LINGO2: variants seen among roughly 807,000 people sequenced by gnomAD.
The protein encoded by LINGO2 is leucine rich repeat and Ig domain containing 2, also known as leucine-rich repeat and immunoglobulin-like domain-containing nogo receptor-interacting protein 2.
LINGO2 carries 14 observed loss-of-function variants against 30.6 expected under a neutral mutation model. The observed-to-expected ratio is 0.46, with a 90% confidence interval of 0.30 to 0.72. The LOEUF is 0.72. Ranked by LOEUF, LINGO2 falls within the 30% of genes least tolerant of loss-of-function variation. The pLI, the probability that LINGO2 is intolerant of heterozygous loss-of-function variation, is 0.07. For missense variants in LINGO2, 729 were observed against 751.7 expected, an observed-to-expected ratio of 0.97 and a Z score of 0.35; for synonymous variants, 317 against 288.5, an observed-to-expected ratio of 1.10 and a Z score of -1.00.
chr9:28,087,722 C>T (rs1825954442), intron 4 of LINGO2, among the ~76,000 whole-genome samples: 1 of 152,002 alleles, frequency 6.6e-6, no homozygotes, highest in Non-Finnish European at 1.5e-5. Context: ...GCCAAGTACA[C>T]CAGTGGCCCT....
the LINGO2 span, among the ~76,000 whole-genome samples, chr9:28,883,628 G>GTGTATATA: frequency 5.1e-4 from 33 of 64,156 alleles, no homozygotes; most frequent in South Asian, 3.8e-3. Context: ...ATGTGTGTGT[G>GTGTATATA]TATATATATA....
intron 3 of LINGO2, among the ~76,000 whole-genome samples, chr9:28,317,236 A>G (rs1824877729): frequency 6.7e-6 from 1 of 148,658 alleles, no homozygotes; most frequent in Non-Finnish European, 1.5e-5. Flanking sequence ...AGTTCCATAT[A>G]TATTTGTGAG....
chr9:28,097,576 A>G (rs1226272633), intron 4 of LINGO2, among the ~76,000 whole-genome samples: 252 of 142,478 alleles, frequency 1.8e-3, no homozygotes, highest in African/African-American at 6.1e-3. Context: ...TCAGTAAACT[A>G]TCGCAAGAAC....
At chr9:28,165,997 T>C (rs1368193329) in intron 4 of LINGO2, among the ~76,000 whole-genome samples, 1 of 152,198 alleles carries the variant, frequency 6.6e-6, no homozygotes, top group East Asian at 1.9e-4. Context: ...TAATATACCC[T>C]CTACTGTGTA....
At chr9:28,015,040 T>C (rs370088987) in intron 4 of LINGO2, among the ~76,000 whole-genome samples, 5 of 152,170 alleles carry the variant, frequency 3.3e-5, no homozygotes, top group Non-Finnish European at 4.4e-5. Flanking sequence ...GGTAGAGTTA[T>C]ATATCACATA....
intron 4 of LINGO2, among the ~76,000 whole-genome samples, chr9:28,023,287 A>G (rs151244402): frequency 0.013 from 1,962 of 152,310 alleles, 37 homozygotes; most frequent in African/African-American, 0.045. Flanking sequence ...ACCTTAACCC[A>G]TAAAAGTTTA....
At chr9:29,056,509 C>G in the LINGO2 span, among the ~76,000 whole-genome samples, 4 of 152,198 alleles carry the variant, frequency 2.6e-5, no homozygotes, top group East Asian at 7.7e-4. Flanking sequence ...ATCAGATGCA[C>G]AGTTTGTGAA....
chr9:28,037,580 A>C (rs1405159705), intron 4 of LINGO2, among the ~76,000 whole-genome samples: 4 of 149,870 alleles, frequency 2.7e-5, no homozygotes, highest in African/African-American at 1.0e-4. Flanking sequence ...ACTGCATTTT[A>C]ATTTGTTTGT....
At chr9:28,855,670 C>T in the LINGO2 span, among the ~76,000 whole-genome samples, 2 of 151,880 alleles carry the variant, frequency 1.3e-5, no homozygotes, top group African/African-American at 4.8e-5. Context: ...CACACACATA[C>T]ACACACACAA....
At chr9:28,186,040 G>T (rs992971806) in intron 4 of LINGO2, among the ~76,000 whole-genome samples, 1 of 152,100 alleles carries the variant, frequency 6.6e-6, no homozygotes, top group African/African-American at 2.4e-5. Flanking sequence ...CATGTCCTCA[G>T]CCAACCGTCT....
At chr9:29,007,936 T>C in the LINGO2 span, among the ~76,000 whole-genome samples, 1 of 152,154 alleles carries the variant, frequency 6.6e-6, no homozygotes, top group Non-Finnish European at 1.5e-5. Flanking sequence ...TATTTCTTTT[T>C]TAAATTATAC....
intron 1 of LINGO2, among the ~76,000 whole-genome samples, chr9:28,644,688 T>A (rs1827756478): frequency 1.3e-5 from 2 of 151,976 alleles, no homozygotes; most frequent in African/African-American, 4.8e-5. Flanking sequence ...TAAAAGGGTA[T>A]AATTGGACTG....
chr9:27,949,891 G>A (rs1379903885), exon 6 of LINGO2: 1 of 1,614,084 alleles, frequency 6.2e-7, no homozygotes, highest in Non-Finnish European at 8.5e-7. Flanking sequence ...ACAGTAGACA[G>A]ATTGGTGTTG....
At chr9:28,307,984 T>A (rs1382980582) in intron 3 of LINGO2, among the ~76,000 whole-genome samples, 1 of 151,554 alleles carries the variant, frequency 6.6e-6, no homozygotes, top group African/African-American at 2.4e-5. Flanking sequence ...AGAATCAATA[T>A]CGTGAAAATG....
chr9:28,109,366 T>G (rs536081909), intron 4 of LINGO2, among the ~76,000 whole-genome samples: 119 of 152,298 alleles, frequency 7.8e-4, no homozygotes, highest in African/African-American at 2.8e-3. Flanking sequence ...ACCACTCCTG[T>G]TCAACATAGT....
At chr9:28,180,796 C>G (rs75254574) in intron 4 of LINGO2, among the ~76,000 whole-genome samples, 1 of 151,970 alleles carries the variant, frequency 6.6e-6, no homozygotes, top group Admixed American at 6.6e-5. Context: ...AAGAGAACCC[C>G]AAGAGTGTCA....
the LINGO2 span, among the ~76,000 whole-genome samples, chr9:28,874,281 T>A: frequency 2.6e-5 from 4 of 152,060 alleles, no homozygotes; most frequent in East Asian, 7.7e-4. Context: ...GTCTATGTAC[T>A]CAGTGGTTCT....
At chr9:28,036,673 CAT>C (rs1217342984) in intron 4 of LINGO2, among the ~76,000 whole-genome samples, 2 of 152,280 alleles carry the variant, frequency 1.3e-5, no homozygotes, top group Non-Finnish European at 2.9e-5. Context: ...TGAGTTGACT[CAT>C]AAGTCCATGA....
the LINGO2 span, among the ~76,000 whole-genome samples, chr9:28,893,164 T>C: frequency 9.2e-5 from 14 of 152,130 alleles, no homozygotes; most frequent in African/African-American, 3.4e-4. Flanking sequence ...TTATTAACAG[T>C]TTAACATTAA....
Sources: allele counts gnomAD v4.1 joint callset (sites outside exome capture counted in the v4.1 genomes callset), GRCh38; gene constraint gnomAD v4.1.1; transcripts MANE v1.5; gene names NCBI Gene and HGNC (gene_info 2026-07-23, HGNC 2026-07-21).